Variants in NCDN observed in about 807,000 individuals in gnomAD.
The protein encoded by NCDN is neurochondrin.
NCDN carries 9 observed loss-of-function variants against 60.7 expected under a neutral mutation model. That is an observed-to-expected ratio of 0.15 (90% CI 0.09 to 0.26). The LOEUF is 0.26. Ranked by LOEUF, NCDN falls within the 10% of genes least tolerant of loss-of-function variation. The probability of loss-of-function intolerance (pLI) is 1.00; values close to 1 mark genes in which losing one functional copy is unlikely to be tolerated. For missense variants in NCDN, 578 were observed against 975.2 expected, an observed-to-expected ratio of 0.59 and a Z score of 5.42; for synonymous variants, 409 against 442.5, an observed-to-expected ratio of 0.92 and a Z score of 0.95.
chr1:35,565,752 C>T lies in NCDN; in HGVS notation c.*89C>T, dbSNP rs541917030. ...CCTGAAGCCCCCAATCTGGCCCCCC[C>T]CTCCCCAGACTTCCTCCCCAAAACA... On this transcript the variant is annotated 3_prime_UTR_variant, in exon 7 of 7. Coordinates refer to ENST00000373243, the MANE Select transcript of NCDN (RefSeq NM_014284.3). This position sits in a 1 kb window ranked among gnomAD's most constrained non-coding sequence, Gnocchi z 8.9. 7.4e-6 allele frequency: 10 copies of T among 1,347,776 alleles called. No individual in the cohort carries two copies. Among genetic ancestry groups the T allele is most frequent in the East Asian group, 2.6e-5 (1 of 39,206 alleles). The allele number at this position is 1,347,776 out of a possible 1,614,324, so 83.5% of individuals were successfully genotyped here.
Position 35,566,629 on chromosome 1 carries a change from CCACACACACACACACACACA to C in NCDN, c.*998_*1017del, listed in dbSNP as rs56974171. The C allele has an allele frequency of 2.8e-4, 75 of 270,446 alleles. No individual in the cohort carries two copies. Among genetic ancestry groups the C allele is most frequent in the Middle Eastern group, 1.4e-3 (1 of 722 alleles). The allele number at this position is 270,446 out of a possible 1,614,324, so 16.8% of individuals were successfully genotyped here. On this transcript the variant is annotated 3_prime_UTR_variant, in exon 7 of 7. Transcript: ENST00000373243. The surrounding 1 kb of genome is among the most constrained non-coding windows in gnomAD (Gnocchi z 5.3). ...TACCTTTCTTATAAACCCAGGGGGA[CCACACACACACACACACACA>C]CACACACACACACACACACACACAC...
At position 35,566,629 on chromosome 1, in the gene NCDN, CCACACACACACACACA is replaced by C. The variant is rs56974171; in HGVS notation, c.*1002_*1017del. 503 of 270,440 alleles carry C rather than the reference CCACACACACACACACA, an allele frequency of 1.9e-3. 2 individuals carry two copies. Among genetic ancestry groups the C allele is most frequent in the African/African-American group, 9.3e-3 (366 of 39,222 alleles). The allele number at this position is 270,440 out of a possible 1,614,324, so 16.8% of individuals were successfully genotyped here. A position where few individuals can be genotyped will look rare whatever the true frequency, so the allele number is the denominator to read the frequency against. ...TACCTTTCTTATAAACCCAGGGGGA[CCACACACACACACACA>C]CACACACACACACACACACACACAC... On this transcript the variant is annotated 3_prime_UTR_variant, in exon 7 of 7. Transcript: ENST00000373243. The surrounding 1 kb of genome is among the most constrained non-coding windows in gnomAD (Gnocchi z 5.3).
chr1:35,560,541 T>C lies in NCDN; in HGVS notation c.390T>C (p.Ile130=). 1 of 1,613,836 alleles carries C rather than the reference T, an allele frequency of 6.2e-7. No homozygotes were observed. The highest frequency in any genetic ancestry group is 1.1e-5 in the South Asian group (1 of 91,076). The change falls in exon 3 of 7, where the codon ATT becomes ATC. Residue 130 remains isoleucine, a synonymous_variant. Coordinates refer to ENST00000373243, the MANE Select transcript of NCDN (RefSeq NM_014284.3). This position sits in a 1 kb window ranked among gnomAD's most constrained non-coding sequence, Gnocchi z 7.6. The part of the protein sequence containing the change: ...LAAHPQVLNK[I]PILSTFLTAR... ...CCCATCCCCAAGTCCTGAACAAGAT[T>C]CCCATTCTTAGCACCTTCCTCACAG...
In NCDN at chr1:35,558,458, C is replaced by T; in HGVS notation, c.33+235C>T. On this transcript the variant is annotated intron_variant, in intron 1 of 6. Transcript: ENST00000373243. The surrounding 1 kb of genome is among the most constrained non-coding windows in gnomAD (Gnocchi z 6.3). Reference sequence around the variant, plus strand: ...GCCGCTGCTGCTGCTGCTGCAGCCTCTACCCGAGGGAGGGAAAGGAGAGGA... The same window carrying T: ...GCCGCTGCTGCTGCTGCTGCAGCCTTTACCCGAGGGAGGGAAAGGAGAGGA... 7.0e-7 allele frequency: 1 copy of T among 1,429,592 alleles called. No individual in the cohort carries two copies. The highest frequency in any genetic ancestry group is 9.1e-7 in the Non-Finnish European group (1 of 1,096,064). The allele number at this position is 1,429,592 out of a possible 1,614,324, so 88.6% of individuals were successfully genotyped here. A position where few individuals can be genotyped will look rare whatever the true frequency, so the allele number is the denominator to read the frequency against.
chr1:35,565,846 C>A lies in NCDN; in HGVS notation c.*183C>A. ...CCCCTCAAGTGTAAGGAACTGCGTT[C>A]CGCCCCTCAGGCCCCCATGGGGGCA... On this transcript the variant is annotated 3_prime_UTR_variant, in exon 7 of 7. Transcript: ENST00000373243. This position sits in a 1 kb window ranked among gnomAD's most constrained non-coding sequence, Gnocchi z 8.9. 1.5e-6 allele frequency: 1 copy of A among 670,778 alleles called. No individual in the cohort carries two copies. Among genetic ancestry groups the A allele is most frequent in the Non-Finnish European group, 2.5e-6 (1 of 407,928 alleles). 41.6% of individuals were successfully genotyped at this position (670,778 alleles called of 1,614,324 possible).
Position 35,561,087 on chromosome 1 carries a change from T to G in NCDN, c.936T>G (p.Asn312Lys). ...SGSKFLALLV[N>K]LACVEVRLAL... ...GCAAGTTCCTGGCCCTGCTGGTGAA[T>G]CTGGCGTGCGTGGAAGTGCGGCTGG... The change falls in exon 3 of 7, where the codon AAT becomes AAG. Residue 312 changes from asparagine to lysine, a missense_variant. Physicochemically the swap from Asn to Lys is moderately conservative, Grantham distance 94 (BLOSUM62 0). Transcript: ENST00000373243. The surrounding 1 kb of genome is among the most constrained non-coding windows in gnomAD (Gnocchi z 4.9). The G allele has an allele frequency of 1.9e-6, 3 of 1,613,732 alleles. No homozygotes were observed. The highest frequency in any genetic ancestry group is 2.5e-6 in the Non-Finnish European group (3 of 1,179,860).
Position 35,561,329 on chromosome 1 carries a change from A to G in NCDN, c.1143+35A>G. 6.5e-7 allele frequency: 1 copy of G among 1,542,076 alleles called. No homozygotes were observed. Among genetic ancestry groups the G allele is most frequent in the Non-Finnish European group, 8.7e-7 (1 of 1,149,984 alleles). On this transcript the variant is annotated intron_variant, in intron 3 of 6. Transcript: ENST00000373243. The surrounding 1 kb of genome is among the most constrained non-coding windows in gnomAD (Gnocchi z 4.9). ...CAGTGACCCACAGAGGGGGCCCAGT[A>G]TGGGGGGAGCCAGTGCTGGAGCTGG...
chr1:35,562,626 G>A lies in NCDN; in HGVS notation c.1378G>A (p.Ala460Thr), dbSNP rs758633602. 19 of 1,612,530 alleles carry A rather than the reference G, an allele frequency of 1.2e-5. No homozygotes were observed. Among genetic ancestry groups the A allele is most frequent in the South Asian group, 2.2e-5 (2 of 90,872 alleles). The stretch of plus-strand genomic sequence containing the variant: ...CCCAGGGCCCACCTGGCCAGGAGAC[G>A]CTCTCCGGTGAGTCTGTAGTTACAG... ...TTPGPTWPGD[A>T]LRLLLPGWCH... The change falls in exon 4 of 7, where the codon GCT (alanine) becomes ACT (threonine). Residue 460 changes from alanine to threonine, a missense_variant. Physicochemically the swap from Ala to Thr is moderately conservative, Grantham distance 58 (BLOSUM62 0). Transcript: ENST00000373243. This position sits in a 1 kb window ranked among gnomAD's most constrained non-coding sequence, Gnocchi z 6.8.
At position 35,561,403 on chromosome 1, in the gene NCDN, A is replaced by T; in HGVS notation, c.1143+109A>T. The T allele has an allele frequency of 7.0e-7, 1 of 1,422,390 alleles. No individual in the cohort carries two copies. The highest frequency in any genetic ancestry group is 9.3e-7 in the Non-Finnish European group (1 of 1,077,102). The allele number at this position is 1,422,390 out of a possible 1,614,324, so 88.1% of individuals were successfully genotyped here. A position where few individuals can be genotyped will look rare whatever the true frequency, so the allele number is the denominator to read the frequency against. ...GGGGAGACAGCGAAGCTGCATGTCC[A>T]CACAAGCTGATACTGTAGCCAGCAC... is the stretch of plus-strand genomic sequence containing the variant. On this transcript the variant is annotated intron_variant, in intron 3 of 6. Coordinates refer to ENST00000373243, the MANE Select transcript of NCDN (RefSeq NM_014284.3). The surrounding 1 kb of genome is among the most constrained non-coding windows in gnomAD (Gnocchi z 4.9).
rs1483264927 is a variant in NCDN, at chr1:35,557,819, C to T, written c.-372C>T. On this transcript the variant is annotated 5_prime_UTR_variant, in exon 1 of 7. Coordinates refer to ENST00000373243, the MANE Select transcript of NCDN (RefSeq NM_014284.3). ...CCAGGAGTGGGCAACGCGGCGTGAG[C>T]AGCGGCCCGAGGCTCCCGGAGCATC... is the stretch of plus-strand genomic sequence containing the variant. The T allele has an allele frequency of 1.9e-6, 1 of 530,690 alleles. No homozygotes were observed. The highest frequency in any genetic ancestry group is 3.6e-6 in the Non-Finnish European group (1 of 276,192). The allele number at this position is 530,690 out of a possible 1,614,324, so 32.9% of individuals were successfully genotyped here.
chr1:35,565,342 C>T lies in NCDN; in HGVS notation c.1869C>T (p.Ser623=), dbSNP rs1241716335. 6.2e-7 allele frequency: 1 copy of T among 1,614,028 alleles called. No individual in the cohort carries two copies. The highest frequency in any genetic ancestry group is 1.3e-5 in the African/African-American group (1 of 75,064). The change falls in exon 7 of 7, where the codon TCC becomes TCT. Residue 623 remains serine (S), a synonymous_variant. Transcript: ENST00000373243. The surrounding 1 kb of genome is among the most constrained non-coding windows in gnomAD (Gnocchi z 8.9). ...CAGACCAGGCAGTGCTAGCCCTGTC[C>T]CCTGAGTATGAGGGCATCTGGGCCG... is the stretch of plus-strand genomic sequence containing the variant. ...PGSDQAVLAL[S]PEYEGIWADL...
In NCDN at chr1:35,560,822, G is replaced by C; in HGVS notation, c.671G>C (p.Gly224Ala). ...CCCGACCTGCTGGCCGTGTTGCGGG[G>C]CCTCAGTGAGGATTTCCAGAAAGCT... ...AEPDLLAVLR[G>A]LSEDFQKAED... The change falls in exon 3 of 7, where the codon GGC becomes GCC. Residue 224 changes from glycine (G) to alanine (A), a missense_variant. By Grantham distance (60) the Gly-to-Ala change is moderately conservative. Coordinates refer to ENST00000373243, the MANE Select transcript of NCDN (RefSeq NM_014284.3). This position sits in a 1 kb window ranked among gnomAD's most constrained non-coding sequence, Gnocchi z 7.6. The C allele has an allele frequency of 6.2e-7, 1 of 1,614,018 alleles. No homozygotes were observed. Among genetic ancestry groups the C allele is most frequent in the South Asian group, 1.1e-5 (1 of 91,092 alleles).
chr1:35,566,629 CCACACACACACACA>C lies in NCDN; in HGVS notation c.*1004_*1017del, dbSNP rs56974171. On this transcript the variant is annotated 3_prime_UTR_variant, in exon 7 of 7. Coordinates refer to ENST00000373243, the MANE Select transcript of NCDN (RefSeq NM_014284.3). The surrounding 1 kb of genome is among the most constrained non-coding windows in gnomAD (Gnocchi z 5.3). ...TACCTTTCTTATAAACCCAGGGGGA[CCACACACACACACA>C]CACACACACACACACACACACACAC... 322 of 270,420 alleles carry C rather than the reference CCACACACACACACA, an allele frequency of 1.2e-3. No homozygotes were observed. The highest frequency in any genetic ancestry group is 7.9e-3 in the East Asian group (76 of 9,632). The allele number at this position is 270,420 out of a possible 1,614,324, so 16.8% of individuals were successfully genotyped here.
Position 35,562,434 on chromosome 1 carries a change from G to A in NCDN, c.1186G>A (p.Val396Met). The change falls in exon 4 of 7, where the codon GTG (valine) becomes ATG (methionine). Residue 396 changes from valine to methionine, a missense_variant. Val to Met is a conservative substitution (Grantham distance 21). Around this residue, in one of 3 missense-constraint regions of NCDN, gnomAD observed 363 missense variants for 583.6 expected, o/e 0.62. Coordinates refer to ENST00000373243, the MANE Select transcript of NCDN (RefSeq NM_014284.3). This position sits in a 1 kb window ranked among gnomAD's most constrained non-coding sequence, Gnocchi z 6.8. Reference protein sequence around the residue: ...KQKEPFVFASVRILGAWLAEE... With the variant: ...KQKEPFVFASMRILGAWLAEE... Reference sequence around the variant, plus strand: ...GAAGGAGCCCTTTGTGTTTGCCTCGGTGCGGATCCTGGGTGCCTGGCTGGC... The same window carrying A: ...GAAGGAGCCCTTTGTGTTTGCCTCGATGCGGATCCTGGGTGCCTGGCTGGC... 1.2e-6 allele frequency: 2 copies of A among 1,614,194 alleles called. No homozygotes were observed. Among genetic ancestry groups the A allele is most frequent in the Non-Finnish European group, 1.7e-6 (2 of 1,180,038 alleles).
In NCDN at chr1:35,563,400, C is replaced by G. The variant is rs772058400; in HGVS notation, c.1584C>G (p.Leu528=). 2 of 1,614,126 alleles carry G rather than the reference C, an allele frequency of 1.2e-6. No homozygotes were observed. Among genetic ancestry groups the G allele is most frequent in the South Asian group, 2.2e-5 (2 of 91,084 alleles). ...CCTGCTGCCACATCTTCCTCAACCT[C>G]GTGGTCACCGCACCGGGGCTGATCA... ...LQTCCHIFLN[L]VVTAPGLIKR... The change falls in exon 5 of 7, where the codon CTC becomes CTG. Residue 528 remains leucine, a synonymous_variant. Coordinates refer to ENST00000373243, the MANE Select transcript of NCDN (RefSeq NM_014284.3). The surrounding 1 kb of genome is among the most constrained non-coding windows in gnomAD (Gnocchi z 6.6).
At chr1:35,564,002 G>A in intron 6 of NCDN, 93 bp downstream of exon 6, 2 of 1,421,856 alleles carry the variant, frequency 1.4e-6, no homozygotes, top group Non-Finnish European at 1.9e-6. Flanking sequence ...TTTAGAAGAT[G>A]GTTTTGCAGC....
Position 35,557,817 on chromosome 1 carries a change from A to T in NCDN, c.-374A>T, listed in dbSNP as rs968664338. Reference sequence around the variant, plus strand: ...AGCCAGGAGTGGGCAACGCGGCGTGAGCAGCGGCCCGAGGCTCCCGGAGCA... The same window carrying T: ...AGCCAGGAGTGGGCAACGCGGCGTGTGCAGCGGCCCGAGGCTCCCGGAGCA... On this transcript the variant is annotated 5_prime_UTR_variant, in exon 1 of 7. Transcript: ENST00000373243. 1.7e-5 allele frequency: 9 copies of T among 528,098 alleles called. No homozygotes were observed. Among genetic ancestry groups the T allele is most frequent in the African/African-American group, 1.5e-4 (8 of 52,770 alleles). The allele number at this position is 528,098 out of a possible 1,614,324, so 32.7% of individuals were successfully genotyped here.
At chr1:35,559,310 G>A in intron 2 of NCDN, 63 bp downstream of exon 2, 1 of 1,603,908 alleles carries the variant, frequency 6.2e-7, no homozygotes. Flanking sequence ...CCAAGGAATG[G>A]GGTCAGTGAG....
rs1170956148 is a variant in NCDN at position 35,561,520 on chromosome 1, TAC to T, written c.1143+235_1143+236del. ...CACCATATGTGCACTCACATCACAG[TAC>T]ACACACACGCACACACACACAACAC... On this transcript the variant is annotated intron_variant, in intron 3 of 6. Transcript: ENST00000373243. The surrounding 1 kb of genome is among the most constrained non-coding windows in gnomAD (Gnocchi z 4.9). 6.6e-6 allele frequency among the ~76,000 whole-genome samples: 1 copy of T among 151,414 alleles called. No individual in the cohort carries two copies. Among genetic ancestry groups the T allele is most frequent in the African/African-American group, 2.4e-5 (1 of 41,126 alleles).
Sources: allele counts gnomAD v4.1 joint callset (sites outside exome capture counted in the v4.1 genomes callset), GRCh38; gene constraint gnomAD v4.1.1; regional missense constraint gnomAD v4.1.1; non-coding constraint Gnocchi (gnomAD v3.1); transcripts MANE v1.5; gene names NCBI Gene and HGNC (gene_info 2026-07-23, HGNC 2026-07-21).